Variants in GARRE1 observed in about 807,000 individuals in gnomAD.
The protein encoded by GARRE1 is granule associated Rac and RHOG effector protein 1.
GARRE1 carries 49 observed loss-of-function variants against 103.2 expected under a neutral mutation model. The observed-to-expected ratio is 0.47, with a 90% CI of 0.38 to 0.60. The LOEUF (loss-of-function observed/expected upper bound fraction) is 0.60, where lower values mean the gene tolerates loss of function less well. Ranked by LOEUF, GARRE1 falls within the 20% of genes least tolerant of loss-of-function variation. GARRE1 has a pLI of 0.00. For synonymous variants in GARRE1, 505 were observed against 532.8 expected (o/e 0.95, Z 0.72); for missense variants, 1,199 against 1,370.5 (o/e 0.87, Z 1.98).
At chr19:34,297,514 C>A (rs1175444397) in intron 1 of GARRE1, among the ~76,000 whole-genome samples, 5 of 152,152 alleles carry the variant, frequency 3.3e-5, no homozygotes, top group Non-Finnish European at 5.9e-5. Context: ...CCAGAGGCAG[C>A]CGCGGTAGAG....
At chr19:34,292,176 A>G (rs1321038397) in intron 1 of GARRE1, among the ~76,000 whole-genome samples, 3 of 152,014 alleles carry the variant, frequency 2.0e-5, no homozygotes, top group Non-Finnish European at 4.4e-5. Context: ...CTACTTTTTT[A>G]TCTGTGTAGA....
Position 34,276,803 on chromosome 19 carries a change from A to G in GARRE1, c.-796+22189A>G, listed in dbSNP as rs568479152. ...GTGCCACTGGAACAATGGCTCATTCATGTCAGATTTCCAGAGAGTTGGGCA... is the reference window on the plus strand; with the variant it reads ...GTGCCACTGGAACAATGGCTCATTCGTGTCAGATTTCCAGAGAGTTGGGCA... On this transcript the variant is annotated intron_variant, in intron 1 of 13. Coordinates refer to ENST00000299505, the MANE Select transcript of GARRE1 (RefSeq NM_014686.5). 8.5e-5 allele frequency among the ~76,000 whole-genome samples: 13 copies of G among 152,312 alleles called. No homozygotes were observed. In the East Asian group the frequency reaches 1.3e-3, roughly 16 times the overall value.
At chr19:34,301,117 G>A in intron 2 of GARRE1, 149 bp downstream of exon 2, 1 of 866,632 alleles carries the variant, frequency 1.2e-6, no homozygotes, top group Non-Finnish European at 1.7e-6. Flanking sequence ...ATGTGTGCGT[G>A]CCAGGTTCTG....
chr19:34,324,503 C>CTT (rs397859412), intron 3 of GARRE1, among the ~76,000 whole-genome samples: 12 of 135,450 alleles, frequency 8.9e-5, no homozygotes, highest in Admixed American at 2.2e-4. Flanking sequence ...CACCAGTGCA[C>CTT]TTTTTTTTTT....
intron 3 of GARRE1, among the ~76,000 whole-genome samples, chr19:34,321,050 C>T (rs368678058): frequency 1.6e-3 from 88 of 55,742 alleles, no homozygotes; most frequent in South Asian, 3.0e-3. Flanking sequence ...AGACAAGATT[C>T]TTTTTTTTTT....
In GARRE1 at chr19:34,327,532, C is replaced by G; in HGVS notation, c.817C>G (p.Leu273Val). 1 of 1,614,006 alleles carries G rather than the reference C, an allele frequency of 6.2e-7. No homozygotes were observed. The highest frequency in any genetic ancestry group is 1.1e-5 in the South Asian group (1 of 91,088). The part of the protein sequence containing the change: ...AAIPEHQLKE[L>V]NIKIDSALQA... ...AATTCCTGAGCACCAGCTAAAAGAA[C>G]TGAACATAAAAATCGACAGTGCTTT... Residue 273 changes from leucine (L) to valine (V), a missense_variant, in exon 4 of 14, where the codon CTG becomes GTG. Leu to Val is a conservative substitution (Grantham distance 32). Transcript: ENST00000299505.
chr19:34,353,938 A>T lies in GARRE1; in HGVS notation c.*983A>T, dbSNP rs1366242225. 6.6e-6 allele frequency: 1 copy of T among 152,394 alleles called. No homozygotes were observed. Among genetic ancestry groups the T allele is most frequent in the Admixed American group, 6.6e-5 (1 of 15,254 alleles). 9.4% of individuals were successfully genotyped at this position (152,394 alleles called of 1,614,324 possible). Reference sequence around the variant, plus strand: ...AGGTCTTTTCTTAAAAAAAAAATCCACCTCATTTTCAGTTAACATGTGCCA... The same window carrying T: ...AGGTCTTTTCTTAAAAAAAAAATCCTCCTCATTTTCAGTTAACATGTGCCA... On this transcript the variant is annotated 3_prime_UTR_variant, in exon 14 of 14. Transcript: ENST00000299505.
At chr19:34,294,999 A>G (rs1299220605) in intron 1 of GARRE1, among the ~76,000 whole-genome samples, 1 of 152,178 alleles carries the variant, frequency 6.6e-6, no homozygotes, top group Non-Finnish European at 1.5e-5. Context: ...TTAATGACAT[A>G]ATGTGGCAAC....
At chr19:34,318,951 G>A (rs958109085) in intron 2 of GARRE1, among the ~76,000 whole-genome samples, 2 of 152,036 alleles carry the variant, frequency 1.3e-5, no homozygotes, top group African/African-American at 4.8e-5. Context: ...GGATGTGGAG[G>A]TTGCAGTGAG....
chr19:34,320,594 A>G (rs976299578), intron 3 of GARRE1, among the ~76,000 whole-genome samples: 2 of 152,196 alleles, frequency 1.3e-5, no homozygotes, highest in Non-Finnish European at 2.9e-5. Flanking sequence ...GGCTCCAAAG[A>G]TACAACCACA....
chr19:34,266,784 CTTAAGT>C (rs1298901907), intron 1 of GARRE1, among the ~76,000 whole-genome samples: 5 of 148,166 alleles, frequency 3.4e-5, no homozygotes, highest in Non-Finnish European at 7.5e-5. Context: ...GATTTTGAAT[CTTAAGT>C]TTATCTAAAA....
chr19:34,257,347 T>C (rs1467330620), intron 1 of GARRE1, among the ~76,000 whole-genome samples: 2 of 151,208 alleles, frequency 1.3e-5, no homozygotes, highest in Non-Finnish European at 3.0e-5. Flanking sequence ...GTCCACTCTC[T>C]TTTTTTTTGA....
intron 1 of GARRE1, among the ~76,000 whole-genome samples, chr19:34,267,214 G>A (rs376265497): frequency 5.3e-5 from 8 of 152,062 alleles, no homozygotes; most frequent in African/African-American, 9.7e-5. Context: ...GCAGTGAGCC[G>A]CGATCACACA....
intron 1 of GARRE1, among the ~76,000 whole-genome samples, chr19:34,258,520 C>T (rs908886093): frequency 6.6e-6 from 1 of 152,146 alleles, no homozygotes; most frequent in African/African-American, 2.4e-5. Flanking sequence ...CGCAGTGGCT[C>T]ACGCCTGTAA....
chr19:34,263,303 T>TAGATAGATAG (rs1568521181), intron 1 of GARRE1, among the ~76,000 whole-genome samples: 1 of 125,052 alleles, frequency 8.0e-6, no homozygotes, highest in East Asian at 2.3e-4. Context: ...TAGATAGATA[T>TAGATAGATAG]ACATGAAATA....
Position 34,347,901 on chromosome 19 carries a change from G to A in GARRE1, c.2546G>A (p.Arg849His), listed in dbSNP as rs142676316. 79 of 1,573,098 alleles carry A rather than the reference G, an allele frequency of 5.0e-5. No individual in the cohort carries two copies. Among genetic ancestry groups the A allele is most frequent in the Non-Finnish European group, 6.5e-5 (75 of 1,157,000 alleles). The change falls in exon 11 of 14, where the codon CGC (arginine) becomes CAC (histidine). Residue 849 changes from arginine (R) to histidine (H), a missense_variant. Arg to His is a conservative substitution (Grantham distance 29). Transcript: ENST00000299505. ...PAVGSDPEFA[R>H]YVAGVSQAMQ... ...GTGGGCTCAGACCCAGAGTTTGCAC[G>A]CTATGTGGCAGGAGTGAGCCAGGCG...
chr19:34,300,839 G>A lies in GARRE1; in HGVS notation c.366G>A (p.Glu122=). 1.2e-6 allele frequency: 2 copies of A among 1,614,170 alleles called. No individual in the cohort carries two copies. The highest frequency in any genetic ancestry group is 1.7e-6 in the Non-Finnish European group (2 of 1,180,054). The change falls in exon 2 of 14, where the codon GAG becomes GAA. Residue 122 remains glutamate (E), a synonymous_variant. Transcript: ENST00000299505. ...KAATQLKDVQ[E]HVMEAASRLT... ...CCACACAGCTCAAAGATGTGCAGGA[G>A]CATGTCATGGAAGCAGCCAGTCGGC...
chr19:34,327,773 A>G lies in GARRE1; in HGVS notation c.849A>G (p.Ala283=), dbSNP rs1319031283. 1.1e-5 allele frequency: 18 copies of G among 1,611,036 alleles called. No homozygotes were observed. The highest frequency in any genetic ancestry group is 1.5e-5 in the Non-Finnish European group (18 of 1,177,336). Residue 283 remains alanine, a splice_region_variant and synonymous_variant, in exon 5 of 14, where the codon GCA becomes GCG. Coordinates refer to ENST00000299505, the MANE Select transcript of GARRE1 (RefSeq NM_014686.5). ...TGTTAAAAATAATTTATTTCCAGGC[A>G]TATAAGATAGCTCTGGAAAGCTTAG... ...LNIKIDSALQ[A]YKIALESLGH...
chr19:34,277,901 ACCCCC>A (rs57721089), intron 1 of GARRE1, among the ~76,000 whole-genome samples: 1 of 93,808 alleles, frequency 1.1e-5, no homozygotes, highest in African/African-American at 3.6e-5. Context: ...GCTTGATTTC[ACCCCC>A]CCCCCCCACC....
Sources: gnomAD v4.1 joint callset for allele counts (sites outside exome capture counted in the v4.1 genomes callset) on GRCh38, gnomAD v4.1.1 for gene constraint, MANE v1.5 for transcripts, NCBI Gene and HGNC (gene_info 2026-07-23, HGNC 2026-07-21) for gene names.